SLC20A2: variants seen among roughly 807,000 people sequenced by gnomAD.
SLC20A2 encodes the protein sodium-dependent phosphate transporter 2.
In SLC20A2, 30 loss-of-function variants were observed where a neutral mutation model predicts 61.0. That is an observed-to-expected ratio of 0.49 (90% confidence interval 0.37 to 0.67). SLC20A2 has a LOEUF of 0.67. Ranked by LOEUF, SLC20A2 falls within the 30% of genes least tolerant of loss-of-function variation. The pLI is 0.00. For missense variants in SLC20A2, 626 were observed against 866.4 expected (o/e 0.72, Z 3.48); for synonymous variants, 351 against 353.3 (o/e 0.99, Z 0.07).
At position 42,447,551 on chromosome 8, in the gene SLC20A2, A is replaced by G. The variant is rs566896752; in HGVS notation, c.614-2789T>C. On this transcript the variant is annotated intron_variant, in intron 5 of 10. Transcript: ENST00000520262. ...AAATTAGCCAGGCGTGGTGGTGGGC[A>G]CCTGTAGTCCCAGCTACTCCGGAGG... Among the ~76,000 whole-genome samples the G allele has an allele frequency of 6.5e-4, 98 of 151,582 alleles. 1 individual carries two copies. The East Asian group carries it at 0.013, about 20-fold the overall frequency.
At chr8:42,434,923 CGTGT>C (rs889398910) in intron 8 of SLC20A2, among the ~76,000 whole-genome samples, 5 of 151,788 alleles carry the variant, frequency 3.3e-5, no homozygotes, top group Non-Finnish European at 7.4e-5. Flanking sequence ...AGTGTGTGTG[CGTGT>C]GTGTGTGCAT....
At chr8:42,508,609 T>C (rs565918945) in intron 1 of SLC20A2, among the ~76,000 whole-genome samples, 124 of 152,290 alleles carry the variant, frequency 8.1e-4, no homozygotes, top group Middle Eastern at 3.4e-3. Flanking sequence ...CAGGCTGGTC[T>C]TGAACTCCTG....
chr8:42,452,673 A>G (rs1199657757), intron 5 of SLC20A2, among the ~76,000 whole-genome samples: 1 of 147,422 alleles, frequency 6.8e-6, no homozygotes, highest in Non-Finnish European at 1.5e-5. Flanking sequence ...CAGAGATGGA[A>G]GAGCAGAAGG....
In SLC20A2 at chr8:42,437,266, G is replaced by C; in HGVS notation, c.1246C>G (p.Leu416Val). 6.2e-7 allele frequency: 1 copy of C among 1,613,994 alleles called. No homozygotes were observed. The highest frequency in any genetic ancestry group is 8.5e-7 in the Non-Finnish European group (1 of 1,180,016). The change falls in exon 8 of 11, where the codon CTG becomes GTG. Residue 416 changes from leucine to valine, a missense_variant. Physicochemically the swap from Leu to Val is conservative, Grantham distance 32. Around this residue, in one of 3 missense-constraint regions of SLC20A2, gnomAD observed 361 missense variants for 422.3 expected, o/e 0.85. Coordinates refer to ENST00000520262, the MANE Select transcript of SLC20A2 (RefSeq NM_001257180.2). This position sits in a 1 kb window ranked among gnomAD's most constrained non-coding sequence, Gnocchi z 6.4. Reference sequence around the variant, plus strand: ...GAGTAGGACACGGTGTCGCCCACCAGCTTCTCACTGTCCTCTGGGGCCGAT... The same window carrying C: ...GAGTAGGACACGGTGTCGCCCACCACCTTCTCACTGTCCTCTGGGGCCGAT... ...DSSAPEDSEK[L>V]VGDTVSYSKK...
intron 2 of SLC20A2, among the ~76,000 whole-genome samples, chr8:42,471,599 TTGG>T (rs1169108960): frequency 6.6e-6 from 1 of 152,198 alleles, no homozygotes; most frequent in Non-Finnish European, 1.5e-5. Flanking sequence ...TAAGATTTAT[TTGG>T]TAACTTCTTT....
At chr8:42,515,363 T>C (rs756424214) in intron 1 of SLC20A2, among the ~76,000 whole-genome samples, 54 of 152,224 alleles carry the variant, frequency 3.5e-4, no homozygotes, top group Admixed American at 1.1e-3. Flanking sequence ...GTTTTAGACA[T>C]GCTGTGTTCA....
At chr8:42,460,848 C>A (rs1563484560) in intron 4 of SLC20A2, among the ~76,000 whole-genome samples, 1 of 152,188 alleles carries the variant, frequency 6.6e-6, no homozygotes, top group East Asian at 1.9e-4. Context: ...TCAAATAATT[C>A]AAAAAGGGGC....
At chr8:42,461,649 G>A (rs867067520) in intron 4 of SLC20A2, among the ~76,000 whole-genome samples, 3 of 151,840 alleles carry the variant, frequency 2.0e-5, no homozygotes, top group African/African-American at 7.2e-5. Flanking sequence ...ATGGGGTTTC[G>A]CTATGTTTGC....
At chr8:42,509,359 C>T (rs1260773715) in intron 1 of SLC20A2, among the ~76,000 whole-genome samples, 1 of 152,156 alleles carries the variant, frequency 6.6e-6, no homozygotes, top group Non-Finnish European at 1.5e-5. Context: ...GTTAAAAGAA[C>T]ACAGGCTGTC....
At chr8:42,451,644 G>A (rs1260569613) in intron 5 of SLC20A2, among the ~76,000 whole-genome samples, 1 of 134,852 alleles carries the variant, frequency 7.4e-6, no homozygotes, top group African/African-American at 2.8e-5. Flanking sequence ...AGATGAAGAG[G>A]AAGAGGAGGA....
intron 6 of SLC20A2, among the ~76,000 whole-genome samples, chr8:42,442,234 A>T (rs1804848329): frequency 6.6e-6 from 1 of 152,210 alleles, no homozygotes. Flanking sequence ...TGCCTGGCCC[A>T]ACTTGTTCTT....
intron 1 of SLC20A2, among the ~76,000 whole-genome samples, chr8:42,515,736 G>A (rs1262432711): frequency 2.0e-5 from 3 of 152,128 alleles, no homozygotes; most frequent in Non-Finnish European, 4.4e-5. Flanking sequence ...GACTGCTAGT[G>A]TGTCTTAGAA....
intron 1 of SLC20A2, among the ~76,000 whole-genome samples, chr8:42,488,939 T>G (rs1272596667): frequency 2.8e-5 from 4 of 142,382 alleles, no homozygotes; most frequent in East Asian, 2.0e-4. Context: ...AGTTTTGTTT[T>G]TTTTTTTTTT....
At chr8:42,499,731 A>G (rs770407375) in intron 1 of SLC20A2, among the ~76,000 whole-genome samples, 8 of 152,202 alleles carry the variant, frequency 5.3e-5, no homozygotes, top group Non-Finnish European at 1.0e-4. Context: ...AATTTTTTGG[A>G]TAAAAATATA....
At chr8:42,511,432 G>C (rs576240839) in intron 1 of SLC20A2, among the ~76,000 whole-genome samples, 13 of 152,182 alleles carry the variant, frequency 8.5e-5, no homozygotes, top group Middle Eastern at 3.4e-3. Flanking sequence ...TTCAACACCA[G>C]CCTGGCCAAC....
In SLC20A2 at chr8:42,472,223, G is replaced by C. The variant is rs1158420795; in HGVS notation, c.168C>G (p.Thr56=). The C allele has an allele frequency of 6.2e-7, 1 of 1,614,144 alleles. No homozygotes were observed. Among genetic ancestry groups the C allele is most frequent in the Admixed American group, 1.7e-5 (1 of 60,010 alleles). Residue 56 remains threonine (T), a synonymous_variant, in exon 2 of 11, where the codon ACC becomes ACG. Coordinates refer to ENST00000520262, the MANE Select transcript of SLC20A2 (RefSeq NM_001257180.2). This position sits in a 1 kb window ranked among gnomAD's most constrained non-coding sequence, Gnocchi z 4.1. The part of the protein sequence containing the change: ...QACILASIFE[T]TGSVLLGAKV... ...TGGCGCCTAGTAACACGGAGCCGGT[G>C]GTTTCAAATATTGAAGCTAAAATGC...
intron 1 of SLC20A2, among the ~76,000 whole-genome samples, chr8:42,481,273 G>A (rs1183165520): frequency 2.0e-5 from 3 of 152,156 alleles, no homozygotes; most frequent in Non-Finnish European, 4.4e-5. Context: ...TTTTAAAGAC[G>A]TGGCTGCGTC....
intron 10 of SLC20A2, among the ~76,000 whole-genome samples, chr8:42,421,112 CTCATAT>C (rs1220719331): frequency 9.2e-5 from 14 of 152,206 alleles, no homozygotes; most frequent in Non-Finnish European, 1.8e-4. Flanking sequence ...CACATTACGT[CTCATAT>C]TCAGATTATC....
In SLC20A2 at chr8:42,472,486, A is replaced by G; in HGVS notation, c.-96T>C. Reference sequence around the variant, plus strand: ...ACTTCGTAAGGCCAAGAGTTCTTGTAAACAGTGAGTTTGCTCTGGAAAGTG... The same window carrying G: ...ACTTCGTAAGGCCAAGAGTTCTTGTGAACAGTGAGTTTGCTCTGGAAAGTG... On this transcript the variant is annotated 5_prime_UTR_variant, in exon 2 of 11. Coordinates refer to ENST00000520262, the MANE Select transcript of SLC20A2 (RefSeq NM_001257180.2). This position sits in a 1 kb window ranked among gnomAD's most constrained non-coding sequence, Gnocchi z 4.1. 1 of 1,148,756 alleles carries G rather than the reference A, an allele frequency of 8.7e-7. No homozygotes were observed. Among genetic ancestry groups the G allele is most frequent in the Non-Finnish European group, 1.2e-6 (1 of 813,196 alleles). The allele number at this position is 1,148,756 out of a possible 1,614,324, so 71.2% of individuals were successfully genotyped here.
Sources: allele counts gnomAD v4.1 joint callset (sites outside exome capture counted in the v4.1 genomes callset), GRCh38; gene constraint gnomAD v4.1.1; regional missense constraint gnomAD v4.1.1; non-coding constraint Gnocchi (gnomAD v3.1); transcripts MANE v1.5; gene names NCBI Gene and HGNC (gene_info 2026-07-23, HGNC 2026-07-21).